Variants in TAS1R1 observed in about 807,000 individuals in gnomAD.
TAS1R1 encodes taste receptor type 1 member 1.
In TAS1R1, 31 loss-of-function variants were observed where a neutral mutation model predicts 45.8. That is an observed-to-expected ratio of 0.68 (90% CI 0.51 to 0.91). The LOEUF is 0.91. Ranked by LOEUF, TAS1R1 falls within the 40% of genes least tolerant of loss-of-function variation. The pLI is 0.00. For missense variants in TAS1R1, 1,051 were observed against 1,063.9 expected, an observed-to-expected ratio of 0.99 and a Z score of 0.17; for synonymous variants, 437 against 448.4, an observed-to-expected ratio of 0.97 and a Z score of 0.32.
chr1:6,579,438 A>G lies in TAS1R1; in HGVS notation c.2380A>G (p.Met794Val). ...DGKYLPAANMMAGLSSLSSGF... is the reference protein window; with the variant it reads ...DGKYLPAANMVAGLSSLSSGF... ...CAAGTACCTGCCTGCGGCCAACATG[A>G]TGGCTGGGCTGAGCAGCCTGAGCAG... is the stretch of plus-strand genomic sequence containing the variant. The change falls in exon 6 of 6, where the codon ATG becomes GTG. Residue 794 changes from methionine (M) to valine (V), a missense_variant. By Grantham distance (21) the Met-to-Val change is conservative. Coordinates refer to ENST00000333172, the MANE Select transcript of TAS1R1 (RefSeq NM_138697.4). The G allele has an allele frequency of 2.5e-6, 4 of 1,614,058 alleles. No homozygotes were observed. Among genetic ancestry groups the G allele is most frequent in the Non-Finnish European group, 3.4e-6 (4 of 1,180,008 alleles).
rs370554798 is a variant in TAS1R1, at chr1:6,577,323, C to T, written c.1594+253C>T. Among the ~76,000 whole-genome samples the T allele has an allele frequency of 2.4e-4, 36 of 152,168 alleles. 1 individual carries two copies. In the South Asian group the frequency reaches 7.1e-3, roughly 30 times the overall value. ...CTGAGGCGGGTGGATCACTTGAGGT[C>T]GGGAGTTCGAGACCAGCCTGGCCAA... On this transcript the variant is annotated intron_variant, in intron 5 of 5. Coordinates refer to ENST00000333172, the MANE Select transcript of TAS1R1 (RefSeq NM_138697.4).
At chr1:6,576,223 GTGTT>G (rs1218493022) in intron 3 of TAS1R1, among the ~76,000 whole-genome samples, 188 bp from the exon 4 acceptor site, 1 of 152,228 alleles carries the variant, frequency 6.6e-6, no homozygotes, top group Non-Finnish European at 1.5e-5. Flanking sequence ...CTGTAAAGGA[GTGTT>G]TGTTAGAGGC....
At position 6,574,803 on chromosome 1, in the gene TAS1R1, G is replaced by C. The variant is rs1211126114; in HGVS notation, c.671G>C (p.Gly224Ala). Residue 224 changes from glycine (G) to alanine (A), a missense_variant, in exon 3 of 6, where the codon GGG becomes GCG. Coordinates refer to ENST00000333172, the MANE Select transcript of TAS1R1 (RefSeq NM_138697.4). This position sits in a 1 kb window ranked among gnomAD's most constrained non-coding sequence, Gnocchi z 4.3. ...VGSSDDYGQL[G>A]VQALENQATG... is the part of the protein sequence containing the mutation. ...AGCAGTGACGACTATGGGCAGCTAG[G>C]GGTGCAGGCACTGGAGAACCAGGCC... 1.2e-6 allele frequency: 2 copies of C among 1,614,140 alleles called. No homozygotes were observed. The highest frequency in any genetic ancestry group is 1.7e-6 in the Non-Finnish European group (2 of 1,180,056).
At chr1:6,557,640 T>A (rs1639708148) in intron 1 of TAS1R1, among the ~76,000 whole-genome samples, 1 of 152,140 alleles carries the variant, frequency 6.6e-6, no homozygotes, top group Non-Finnish European at 1.5e-5. Context: ...TCTCACTGTG[T>A]TGCTCAGGCT....
intron 1 of TAS1R1, among the ~76,000 whole-genome samples, chr1:6,557,951 G>GAT (rs1439945758): frequency 2.0e-5 from 3 of 152,102 alleles, no homozygotes; most frequent in African/African-American, 7.2e-5. Context: ...AAGTAGGGGT[G>GAT]ATAAGGCATA....
chr1:6,579,015 T>G lies in TAS1R1; in HGVS notation c.1957T>G (p.Ser653Ala). ...TIFLSCLTVR[S>A]FQLIIIFKFS... is the part of the protein sequence containing the mutation. ...CTTCCTGTCCTGCCTGACAGTTCGC[T>G]CATTCCAACTAATCATCATCTTCAA... Residue 653 changes from serine (S) to alanine (A), a missense_variant, in exon 6 of 6, where the codon TCA becomes GCA. By Grantham distance (99) the Ser-to-Ala change is moderately conservative. Transcript: ENST00000333172. 6.2e-7 allele frequency: 1 copy of G among 1,613,738 alleles called. No individual in the cohort carries two copies. Among genetic ancestry groups the G allele is most frequent in the Non-Finnish European group, 8.5e-7 (1 of 1,179,668 alleles).
chr1:6,567,441 T>C (rs1221648368), intron 1 of TAS1R1, among the ~76,000 whole-genome samples: 1 of 152,108 alleles, frequency 6.6e-6, no homozygotes, highest in Middle Eastern at 3.4e-3. Flanking sequence ...GCGCCTGTAG[T>C]CCCAGCTACT....
In TAS1R1 at chr1:6,559,337, A is replaced by AT. The variant is rs1639741256; in HGVS notation, c.191+3779dup. On this transcript the variant is annotated intron_variant, in intron 1 of 5. Coordinates refer to ENST00000333172, the MANE Select transcript of TAS1R1 (RefSeq NM_138697.4). ...GAGCCGCCGTGCCTAGCCTGAAGCTATTTTTTAGATGTAGTAAACATTTAA... is the reference window on the plus strand; with the variant it reads ...GAGCCGCCGTGCCTAGCCTGAAGCTATTTTTTTAGATGTAGTAAACATTTAA... Among the ~76,000 whole-genome samples the AT allele has an allele frequency of 2.6e-5, 4 of 151,806 alleles. No individual in the cohort carries two copies. In the South Asian group the frequency reaches 8.4e-4, roughly 32 times the overall value.
chr1:6,570,024 G>GAGAGAGAGAGAGA (rs1553186697), intron 1 of TAS1R1, among the ~76,000 whole-genome samples: 102 of 32,424 alleles, frequency 3.1e-3, no homozygotes, highest in South Asian at 0.011. Context: ...GGAGGGAGGG[G>GAGAGAGAGAGAGA]GAGAGAGAGA....
chr1:6,571,352 G>T, intron 2 of TAS1R1, 137 bp downstream of exon 2: 1 of 918,746 alleles, frequency 1.1e-6, no homozygotes, highest in Non-Finnish European at 1.6e-6. Flanking sequence ...TTAGTCACAA[G>T]TCAGGGGTCC....
intron 1 of TAS1R1, among the ~76,000 whole-genome samples, chr1:6,569,437 C>T (rs1020505411): frequency 6.6e-6 from 1 of 152,108 alleles, no homozygotes; most frequent in Admixed American, 6.5e-5. Flanking sequence ...TCGAAAGTGC[C>T]ATTTTCGGGC....
chr1:6,576,542 T>TCACGGTCCTCGGTTCCTC lies in TAS1R1; in HGVS notation c.1392_1409dup (p.Val465_Thr470dup). On this transcript the variant is annotated inframe_insertion, in exon 4 of 6. Transcript: ENST00000333172. ...GACTGGAATGGACCCAAGTGGACCT[T>TCACGGTCCTCGGTTCCTC]CACGGTCCTCGGTTCCTCCACATGG... 6.2e-7 allele frequency: 1 copy of TCACGGTCCTCGGTTCCTC among 1,614,240 alleles called. No homozygotes were observed. The highest frequency in any genetic ancestry group is 1.1e-5 in the South Asian group (1 of 91,082).
At chr1:6,559,463 G>C (rs1447212439) in intron 1 of TAS1R1, among the ~76,000 whole-genome samples, 3 of 151,832 alleles carry the variant, frequency 2.0e-5, no homozygotes, top group Admixed American at 6.6e-5. Context: ...TTCAAGACCA[G>C]CCTGGGCAAC....
intron 4 of TAS1R1, 148 bp downstream of exon 4, chr1:6,576,775 G>A (rs959807063): frequency 2.5e-5 from 35 of 1,398,850 alleles, no homozygotes; most frequent in Non-Finnish European, 3.4e-5. Flanking sequence ...GGGAAGCAGG[G>A]AAGACACTCC....
Position 6,579,049 on chromosome 1 carries a change from C to T in TAS1R1, c.1991C>T (p.Thr664Ile), listed in dbSNP as rs1336277335. The change falls in exon 6 of 6, where the codon ACC becomes ATC. Residue 664 changes from threonine to isoleucine, a missense_variant. Coordinates refer to ENST00000333172, the MANE Select transcript of TAS1R1 (RefSeq NM_138697.4). ...FQLIIIFKFS[T>I]KVPTFYHAWV... Reference sequence around the variant, plus strand: ...CTAATCATCATCTTCAAGTTTTCCACCAAGGTACCTACATTCTACCACGCC... The same window carrying T: ...CTAATCATCATCTTCAAGTTTTCCATCAAGGTACCTACATTCTACCACGCC... The T allele has an allele frequency of 1.2e-6, 2 of 1,612,856 alleles. No individual in the cohort carries two copies. Among genetic ancestry groups the T allele is most frequent in the African/African-American group, 2.7e-5 (2 of 74,904 alleles).
intron 1 of TAS1R1, among the ~76,000 whole-genome samples, chr1:6,557,744 A>T (rs1451651358): frequency 6.6e-6 from 1 of 152,148 alleles, no homozygotes; most frequent in Non-Finnish European, 1.5e-5. Context: ...ATTACAAAAA[A>T]GTTTTTTTGA....
chr1:6,579,156 G>T lies in TAS1R1; in HGVS notation c.2098G>T (p.Val700Leu), dbSNP rs145948123. The T allele has an allele frequency of 5.0e-6, 8 of 1,614,214 alleles. No individual in the cohort carries two copies. Among genetic ancestry groups the T allele is most frequent in the Non-Finnish European group, 6.8e-6 (8 of 1,180,048 alleles). Residue 700 changes from valine to leucine, a missense_variant, in exon 6 of 6, where the codon GTG becomes TTG. Transcript: ENST00000333172. ...QLLICLTWLV[V>L]WTPLPAREYQ... ...GCTTATCTGTCTAACTTGGCTGGTG[G>T]TGTGGACCCCACTGCCTGCTAGGGA...
intron 3 of TAS1R1, 46 bp downstream of exon 3, chr1:6,575,438 T>A: frequency 1.3e-6 from 2 of 1,510,790 alleles, no homozygotes; most frequent in Non-Finnish European, 1.8e-6. Context: ...GAACAGCCAA[T>A]CCTGAGATGA....
intron 1 of TAS1R1, 121 bp from the exon 2 acceptor site, chr1:6,570,788 G>A (rs1570120749): frequency 2.5e-6 from 2 of 810,700 alleles, no homozygotes; most frequent in East Asian, 2.6e-5. Flanking sequence ...GTTGTGGTTT[G>A]GGGGACTGGA....
Sources: allele counts gnomAD v4.1 joint callset (sites outside exome capture counted in the v4.1 genomes callset), GRCh38; gene constraint gnomAD v4.1.1; non-coding constraint Gnocchi (gnomAD v3.1); transcripts MANE v1.5; gene names NCBI Gene and HGNC (gene_info 2026-07-23, HGNC 2026-07-21).